FTCDNL1: variants seen among roughly 807,000 people sequenced by gnomAD.
FTCDNL1 encodes formiminotransferase N-terminal subdomain-containing protein.
Under a neutral mutation model 5.9 loss-of-function variants are expected in FTCDNL1, and 11 were observed. That is an observed-to-expected ratio of 1.87 (90% CI 1.18 to 3.10). The LOEUF (loss-of-function observed/expected upper bound fraction) is 3.10, where lower values mean the gene tolerates loss of function less well. FTCDNL1 is among the 30% of genes most tolerant of loss of function. The pLI is 0.00. For missense variants in FTCDNL1, 115 were observed against 65.5 expected (o/e 1.76, Z -2.61); for synonymous variants, 58 against 24.8 (o/e 2.34, Z -3.99).
the FTCDNL1 span, among the ~76,000 whole-genome samples, chr2:199,672,320 T>A: frequency 2.6e-5 from 4 of 152,178 alleles, no homozygotes; most frequent in South Asian, 8.3e-4. Context: ...CACAAAAAAA[T>A]GGGAATAAAA....
chr2:199,676,755 G>T, the FTCDNL1 span, among the ~76,000 whole-genome samples: 1 of 152,062 alleles, frequency 6.6e-6, no homozygotes, highest in African/African-American at 2.4e-5. Context: ...TTGCAATTGA[G>T]AATTCAACCA....
chr2:199,836,480 A>T (rs544945371), intron 3 of FTCDNL1, among the ~76,000 whole-genome samples: 1 of 152,258 alleles, frequency 6.6e-6, no homozygotes, highest in African/African-American at 2.4e-5. Context: ...ACACTTGTCA[A>T]TATTTCAATA....
chr2:199,788,072 T>TA (rs1164477550), intron 3 of FTCDNL1, among the ~76,000 whole-genome samples: 2 of 152,212 alleles, frequency 1.3e-5, no homozygotes, highest in Non-Finnish European at 2.9e-5. Context: ...ATAAGGCTTA[T>TA]AAGAGTAGAA....
the FTCDNL1 span, among the ~76,000 whole-genome samples, chr2:199,730,446 A>G: frequency 7.9e-5 from 12 of 152,236 alleles, no homozygotes; most frequent in Non-Finnish European, 2.9e-5. Flanking sequence ...TTTCCACCTG[A>G]CAAAGGTCTA....
chr2:199,787,021 G>A (rs929098931), intron 3 of FTCDNL1, among the ~76,000 whole-genome samples: 15 of 152,020 alleles, frequency 9.9e-5, no homozygotes, highest in East Asian at 7.7e-4. Context: ...CTTCAAAGTC[G>A]GCAGCAGCAT....
At position 199,810,345 on chromosome 2, in the gene FTCDNL1, A is replaced by C. The variant is rs1700968109; in HGVS notation, c.*2360T>G. ...GGGAAAGAGGTCACTAAAAACTAACAAACAGCCTTGGAACTGGGAAAAGCA... is the reference window on the plus strand; with the variant it reads ...GGGAAAGAGGTCACTAAAAACTAACCAACAGCCTTGGAACTGGGAAAAGCA... On this transcript the variant is annotated 3_prime_UTR_variant, in exon 5 of 5. Transcript: ENST00000420128. Among the ~76,000 whole-genome samples the C allele has an allele frequency of 6.6e-6, 1 of 152,100 alleles. No homozygotes were observed. Among genetic ancestry groups the C allele is most frequent in the Admixed American group, 6.5e-5 (1 of 15,272 alleles).
At chr2:199,672,686 G>A in the FTCDNL1 span, among the ~76,000 whole-genome samples, 262 of 152,114 alleles carry the variant, frequency 1.7e-3, no homozygotes, top group Admixed American at 2.8e-3. Context: ...CTGGCAACTG[G>A]AATAACTGGA....
At chr2:199,723,888 G>C in the FTCDNL1 span, among the ~76,000 whole-genome samples, 1 of 152,154 alleles carries the variant, frequency 6.6e-6, no homozygotes, top group South Asian at 2.1e-4. Flanking sequence ...TCAGGATGAT[G>C]CTGGCCCCAT....
At chr2:199,718,883 ATTTT>A in the FTCDNL1 span, among the ~76,000 whole-genome samples, 4 of 151,392 alleles carry the variant, frequency 2.6e-5, no homozygotes, top group East Asian at 2.0e-4. Flanking sequence ...CTTTTTAATG[ATTTT>A]TTTTATTATT....
chr2:199,821,496 A>G (rs1469459139), intron 3 of FTCDNL1, among the ~76,000 whole-genome samples: 106 of 136,574 alleles, frequency 7.8e-4, no homozygotes, highest in East Asian at 3.4e-3. Flanking sequence ...ATGGAGTTTC[A>G]CGCTGTCGCC....
At chr2:199,822,458 A>C (rs1701756881) in intron 3 of FTCDNL1, among the ~76,000 whole-genome samples, 1 of 152,180 alleles carries the variant, frequency 6.6e-6, no homozygotes, top group East Asian at 1.9e-4. Flanking sequence ...GCAAGTCATC[A>C]TCTTTTTGCT....
intron 3 of FTCDNL1, among the ~76,000 whole-genome samples, chr2:199,843,219 G>T (rs2076638487): frequency 6.6e-6 from 1 of 152,192 alleles, no homozygotes; most frequent in Non-Finnish European, 1.5e-5. Context: ...CAAGGGAAGG[G>T]AGAAATCCTG....
At chr2:199,818,687 C>T (rs1050122376) in intron 4 of FTCDNL1, 17 of 151,988 alleles carry the variant, frequency 1.1e-4, no homozygotes, top group Non-Finnish European at 2.2e-4. Context: ...AACCAAAGAC[C>T]TATGTGTAAA....
At chr2:199,684,388 T>C in the FTCDNL1 span, among the ~76,000 whole-genome samples, 2 of 152,222 alleles carry the variant, frequency 1.3e-5, no homozygotes, top group African/African-American at 2.4e-5. Context: ...TCCAGAGTCA[T>C]GGCACTTAAA....
chr2:199,723,078 A>G, the FTCDNL1 span, among the ~76,000 whole-genome samples: 9 of 151,982 alleles, frequency 5.9e-5, no homozygotes, highest in Non-Finnish European at 1.3e-4. Flanking sequence ...TAAGCCCAGC[A>G]TGCATTAGCT....
chr2:199,758,268 T>A (rs1018346294), downstream of FTCDNL1, among the ~76,000 whole-genome samples: 8 of 152,024 alleles, frequency 5.3e-5, no homozygotes, highest in Admixed American at 4.6e-4. Flanking sequence ...GGGTTTAATA[T>A]ATGAAATATT....
At chr2:199,768,750 T>C (rs946236706) in intron 3 of FTCDNL1, among the ~76,000 whole-genome samples, 2 of 152,176 alleles carry the variant, frequency 1.3e-5, no homozygotes, top group African/African-American at 4.8e-5. Context: ...AGTTCTCATG[T>C]GAAAAGCAAG....
the FTCDNL1 span, among the ~76,000 whole-genome samples, chr2:199,683,490 C>T: frequency 6.6e-6 from 1 of 151,676 alleles, no homozygotes; most frequent in Non-Finnish European, 1.5e-5. Flanking sequence ...TTCCCTACAA[C>T]TTTAATAGGC....
chr2:199,693,019 C>G, the FTCDNL1 span, among the ~76,000 whole-genome samples: 1 of 152,296 alleles, frequency 6.6e-6, no homozygotes, highest in Admixed American at 6.5e-5. Context: ...GGGTCTGAAC[C>G]AAGCCATTTC....
Sources: allele counts gnomAD v4.1 joint callset (sites outside exome capture counted in the v4.1 genomes callset), GRCh38; gene constraint gnomAD v4.1.1; transcripts MANE v1.5; gene names NCBI Gene and HGNC (gene_info 2026-07-23, HGNC 2026-07-21).